Variants in RNF24 observed in about 807,000 individuals in gnomAD.
The protein encoded by RNF24 is ring finger protein 24.
Under a neutral mutation model 20.0 loss-of-function variants are expected in RNF24, and 14 were observed. That is an observed-to-expected ratio of 0.70 (90% CI 0.46 to 1.10). RNF24 has a LOEUF of 1.10. RNF24 is among the 50% of genes least tolerant of loss of function. The probability of loss-of-function intolerance (pLI) is 0.00; values close to 1 mark genes in which losing one functional copy is unlikely to be tolerated. For missense variants in RNF24, 124 were observed against 177.6 expected, an observed-to-expected ratio of 0.70 and a Z score of 1.71; for synonymous variants, 45 against 61.1, an observed-to-expected ratio of 0.74 and a Z score of 1.23.
Position 4,007,937 on chromosome 20 carries a change from G to A in RNF24, c.-8+7500C>T, listed in dbSNP as rs183132027. ...CTCTCTTAAAAACAAACACACCCCC[G>A]CCCCCCACAAAACCAAGAACAGCTG... On this transcript the variant is annotated intron_variant, in intron 1 of 5. Transcript: ENST00000358395. Among the ~76,000 whole-genome samples, 4 of 149,754 alleles carry A rather than the reference G, an allele frequency of 2.7e-5. No homozygotes were observed. The Admixed American group carries it at 2.7e-4, about 10-fold the overall frequency.
At chr20:3,997,458 G>A (rs1424420982) in intron 1 of RNF24, among the ~76,000 whole-genome samples, 1 of 149,706 alleles carries the variant, frequency 6.7e-6, no homozygotes, top group Non-Finnish European at 1.5e-5. Flanking sequence ...GCAGGGTCTT[G>A]TTCTGTTGCC....
rs188125551 is a variant in RNF24, at chr20:3,950,766, A to T, written c.144-2487T>A. Among the ~76,000 whole-genome samples, 97 of 152,368 alleles carry T rather than the reference A, an allele frequency of 6.4e-4. No individual in the cohort carries two copies. The East Asian group carries it at 0.017, about 26-fold the overall frequency. On this transcript the variant is annotated intron_variant, in intron 2 of 5. Transcript: ENST00000358395. The stretch of plus-strand genomic sequence containing the variant: ...TACTATGTCCACATTTTATACAACC[A>T]TAGTACAATTATCAAAACCATTAAA...
In RNF24 at chr20:3,930,205, A is replaced by G. The variant is rs1314995532; in HGVS notation, c.*3858T>C. 1 of 152,232 alleles carries G rather than the reference A, an allele frequency of 6.6e-6. No individual in the cohort carries two copies. The highest frequency in any genetic ancestry group is 1.5e-5 in the Non-Finnish European group (1 of 68,044). 9.4% of individuals were successfully genotyped at this position (152,232 alleles called of 1,614,324 possible). ...TGTGAACCACATGAATGGATTACCT[A>G]TTCAAAACATTAAGAAAGAAATATT... On this transcript the variant is annotated 3_prime_UTR_variant, in exon 6 of 6. Transcript: ENST00000358395.
At chr20:3,980,565 T>C (rs1029173110) in intron 1 of RNF24, among the ~76,000 whole-genome samples, 1 of 152,108 alleles carries the variant, frequency 6.6e-6, no homozygotes, top group African/African-American at 2.4e-5. Flanking sequence ...CAGTTGACCA[T>C]GAGTAACTGA....
At chr20:3,998,200 G>A (rs1981045038) in intron 1 of RNF24, among the ~76,000 whole-genome samples, 1 of 152,170 alleles carries the variant, frequency 6.6e-6, no homozygotes, top group African/African-American at 2.4e-5. Context: ...CAGCACTTTG[G>A]GAGGCCAAGG....
intron 1 of RNF24, among the ~76,000 whole-genome samples, chr20:3,998,099 TA>T (rs1981036457): frequency 6.6e-6 from 1 of 152,198 alleles, no homozygotes; most frequent in Non-Finnish European, 1.5e-5. Flanking sequence ...AATAATTGGT[TA>T]TCCTGAAATA....
chr20:4,014,739 G>GCA (rs146278311), intron 1 of RNF24, among the ~76,000 whole-genome samples: 13,458 of 143,612 alleles, frequency 0.094, 722 homozygotes, highest in East Asian at 0.2. Flanking sequence ...ACTTGAATGC[G>GCA]CACACACACA....
intron 4 of RNF24, among the ~76,000 whole-genome samples, chr20:3,935,404 C>G (rs2090878430): frequency 5.9e-5 from 9 of 152,172 alleles, no homozygotes; most frequent in Admixed American, 5.9e-4. Context: ...CTGTCCCTTT[C>G]CTGGTGTGCC....
intron 1 of RNF24, among the ~76,000 whole-genome samples, chr20:3,983,228 C>G (rs2147031378): frequency 6.6e-6 from 1 of 152,274 alleles, no homozygotes; most frequent in African/African-American, 2.4e-5. Flanking sequence ...TACATCCAGG[C>G]ACGTGGTATG....
chr20:3,973,553 A>C (rs1978582557), intron 1 of RNF24, among the ~76,000 whole-genome samples: 1 of 151,662 alleles, frequency 6.6e-6, no homozygotes, highest in Non-Finnish European at 1.5e-5. Flanking sequence ...CTATATCAAC[A>C]ATTAAATAGG....
chr20:3,962,170 T>C (rs953602916), intron 2 of RNF24, among the ~76,000 whole-genome samples: 7 of 151,974 alleles, frequency 4.6e-5, no homozygotes, highest in Non-Finnish European at 7.4e-5. Context: ...CTGGGAAACA[T>C]TGCAAATCCC....
In RNF24 at chr20:3,931,376, T is replaced by C. The variant is rs1449741845; in HGVS notation, c.*2687A>G. ...CTGAGCCAAGAGAGTTATAAAGGGGTCCCTAACTCATTCCTTTTTCAAAAT... is the reference window on the plus strand; with the variant it reads ...CTGAGCCAAGAGAGTTATAAAGGGGCCCCTAACTCATTCCTTTTTCAAAAT... On this transcript the variant is annotated 3_prime_UTR_variant, in exon 6 of 6. Transcript: ENST00000358395. 6.6e-6 allele frequency: 1 copy of C among 151,880 alleles called. No homozygotes were observed. The highest frequency in any genetic ancestry group is 1.5e-5 in the Non-Finnish European group (1 of 67,988). 9.4% of individuals were successfully genotyped at this position (151,880 alleles called of 1,614,324 possible).
chr20:3,991,928 A>ACACACACACACG (rs1491570029), intron 1 of RNF24, among the ~76,000 whole-genome samples: 2 of 148,534 alleles, frequency 1.3e-5, no homozygotes, highest in Non-Finnish European at 3.0e-5. Flanking sequence ...GTGGCTATAT[A>ACACACACACACG]CACACACACA....
chr20:3,964,139 C>T, intron 1 of RNF24, 115 bp from the exon 2 acceptor site: 1 of 767,674 alleles, frequency 1.3e-6, no homozygotes, highest in Non-Finnish European at 2.0e-6. Flanking sequence ...ATATGGTAGA[C>T]AAAGTGTTAA....
At position 3,934,224 on chromosome 20, in the gene RNF24, G is replaced by T; in HGVS notation, c.309-23C>A. On this transcript the variant is annotated intron_variant, in intron 5 of 5. Coordinates refer to ENST00000358395, the MANE Select transcript of RNF24 (RefSeq NM_001134337.3). The surrounding 1 kb of genome is among the most constrained non-coding windows in gnomAD (Gnocchi z 4.0). ...CACCTGCAGAAGGAGACACCACAGGGGGAAGATGTCAGTCCTATGCTCATG... is the reference window on the plus strand; with the variant it reads ...CACCTGCAGAAGGAGACACCACAGGTGGAAGATGTCAGTCCTATGCTCATG... 1 of 1,600,632 alleles carries T rather than the reference G, an allele frequency of 6.2e-7. No individual in the cohort carries two copies. The highest frequency in any genetic ancestry group is 1.1e-5 in the South Asian group (1 of 90,148).
intron 3 of RNF24, among the ~76,000 whole-genome samples, chr20:3,947,180 G>A (rs1411549604): frequency 1.3e-5 from 2 of 152,026 alleles, no homozygotes; most frequent in Non-Finnish European, 2.9e-5. Context: ...GCGACAGAGC[G>A]AGACTCCGTC....
At position 3,928,000 on chromosome 20, in the gene RNF24, CTTTT is replaced by C; in HGVS notation, c.*6059_*6062del. 1 of 152,328 alleles carries C rather than the reference CTTTT, an allele frequency of 6.6e-6. No individual in the cohort carries two copies. The highest frequency in any genetic ancestry group is 1.9e-4 in the East Asian group (1 of 5,184). The allele number at this position is 152,328 out of a possible 1,614,324, so 9.4% of individuals were successfully genotyped here. A position where few individuals can be genotyped will look rare whatever the true frequency, so the allele number is the denominator to read the frequency against. On this transcript the variant is annotated 3_prime_UTR_variant, in exon 6 of 6. Coordinates refer to ENST00000358395, the MANE Select transcript of RNF24 (RefSeq NM_001134337.3). ...AGTAAGGTTTACTACACAAGCCCCT[CTTTT>C]TCTTCTGATATCCCCACTCAAATGG...
intron 1 of RNF24, among the ~76,000 whole-genome samples, chr20:3,977,353 G>A (rs573347519): frequency 1.3e-5 from 2 of 152,084 alleles, no homozygotes; most frequent in Non-Finnish European, 2.9e-5. Context: ...GTCTAAATAC[G>A]TGTTTTAAAA....
At chr20:4,005,667 G>A (rs1234590008) in intron 1 of RNF24, among the ~76,000 whole-genome samples, 1 of 151,992 alleles carries the variant, frequency 6.6e-6, no homozygotes, top group Non-Finnish European at 1.5e-5. Flanking sequence ...TTATATCACT[G>A]AGCATAATTT....
Sources: allele counts gnomAD v4.1 joint callset (sites outside exome capture counted in the v4.1 genomes callset), GRCh38; gene constraint gnomAD v4.1.1; non-coding constraint Gnocchi (gnomAD v3.1); transcripts MANE v1.5; gene names NCBI Gene and HGNC (gene_info 2026-07-23, HGNC 2026-07-21).